The following BRD4 variants were observed in gnomAD, a reference collection of about 807,000 sequenced individuals.
BRD4 encodes the protein bromodomain containing 4, also known as bromodomain-containing protein 4.
In BRD4, 16 loss-of-function variants were observed where a neutral mutation model predicts 142.1. The observed-to-expected ratio is 0.11, with a 90% CI of 0.08 to 0.17. The LOEUF (loss-of-function observed/expected upper bound fraction) is 0.17. Ranked by LOEUF, BRD4 falls within the 10% of genes least tolerant of loss-of-function variation. The probability of loss-of-function intolerance (pLI) is 1.00; values close to 1 mark genes in which losing one functional copy is unlikely to be tolerated. For synonymous variants in BRD4, 833 were observed against 707.5 expected, an observed-to-expected ratio of 1.18 and a Z score of -2.82; for missense variants, 1,424 against 1,810.9, an observed-to-expected ratio of 0.79 and a Z score of 3.88.
At chr19:15,262,361 G>A (rs2047480587) in intron 7 of BRD4, among the ~76,000 whole-genome samples, 2 of 152,074 alleles carry the variant, frequency 1.3e-5, no homozygotes, top group African/African-American at 4.8e-5. Flanking sequence ...TGGCCTTGGG[G>A]AGAAGATGCT....
intron 1 of BRD4, among the ~76,000 whole-genome samples, chr19:15,283,386 A>C (rs1475815941): frequency 6.6e-6 from 1 of 152,246 alleles, no homozygotes; most frequent in African/African-American, 2.4e-5. Context: ...CATTGCAAAC[A>C]AAAGCATAAA....
At position 15,238,909 on chromosome 19, in the gene BRD4, T is replaced by C. The variant is rs1310378903; in HGVS notation, c.3854A>G (p.Gln1285Arg). The change falls in exon 19 of 20, where the codon CAG becomes CGG. Residue 1285 changes from glutamine (Q) to arginine (R), a missense_variant. This residue lies in a region of BRD4 where 109 missense variants were observed against 117.9 expected (regional missense o/e 0.92). Transcript: ENST00000679869. The surrounding 1 kb of genome is among the most constrained non-coding windows in gnomAD (Gnocchi z 7.2). Reference protein sequence around the residue: ...AHEEARRRQEQQQQQRQEQQQ... With the variant: ...AHEEARRRQERQQQQRQEQQQ... ...TTGCTCCTGGCGCTGCTGCTGCTGC[T>C]GCTCCTGGCGCCGACGTGCCTCCTC... The C allele has an allele frequency of 3.1e-6, 5 of 1,596,466 alleles. No homozygotes were observed. The highest frequency in any genetic ancestry group is 3.4e-4 in the Middle Eastern group (2 of 5,900).
At chr19:15,272,316 A>G (rs1219171359) in intron 2 of BRD4, among the ~76,000 whole-genome samples, 1 of 151,910 alleles carries the variant, frequency 6.6e-6, no homozygotes, top group African/African-American at 2.4e-5. Context: ...ATGTACTTGC[A>G]CTCCCTGCGA....
At chr19:15,257,195 G>C (rs1176056384) in intron 7 of BRD4, 22 bp from the exon 8 acceptor site, 1 of 1,580,530 alleles carries the variant, frequency 6.3e-7, no homozygotes, top group Admixed American at 1.7e-5. Context: ...AAGACATGCT[G>C]TGACGGCTGC....
rs778524619 is a variant in BRD4, at chr19:15,332,501, AGCCGCC to A, written c.-252_-247del. ...TGCGGGAGACCAGAACAAACAGCCC[AGCCGCC>A]GCCGCCGCCGCCGCCGCCGCCGCCA... On this transcript the variant is annotated 5_prime_UTR_variant, in exon 1 of 20. Coordinates refer to ENST00000679869, the MANE Select transcript of BRD4 (RefSeq NM_001379291.1). 137 of 156,992 alleles carry A rather than the reference AGCCGCC, an allele frequency of 8.7e-4. No homozygotes were observed. The highest frequency in any genetic ancestry group is 2.8e-3 in the Middle Eastern group (1 of 352). 9.7% of individuals were successfully genotyped at this position (156,992 alleles called of 1,614,324 possible).
intron 1 of BRD4, among the ~76,000 whole-genome samples, chr19:15,299,098 G>A (rs963392413): frequency 6.6e-6 from 1 of 152,164 alleles, no homozygotes; most frequent in Non-Finnish European, 1.5e-5. Context: ...GGGTGGCTAG[G>A]TATCCCCCAT....
In BRD4 at chr19:15,244,322, C is replaced by T. The variant is rs2145515694; in HGVS notation, c.2490G>A (p.Leu830=). The T allele has an allele frequency of 6.3e-7, 1 of 1,599,374 alleles. No individual in the cohort carries two copies. Among genetic ancestry groups the T allele is most frequent in the South Asian group, 1.1e-5 (1 of 88,412 alleles). Residue 830 remains leucine, a synonymous_variant, in exon 13 of 20, where the codon CTG becomes CTA. Transcript: ENST00000679869. ...GGTGAGGGGGCAGCTCAGGCTGCGGCAGGTGCAGGATGGGCTGGGTGAAGT... is the reference window on the plus strand; with the variant it reads ...GGTGAGGGGGCAGCTCAGGCTGCGGTAGGTGCAGGATGGGCTGGGTGAAGT... The part of the protein sequence containing the change: ...IGHFTQPILH[L]PQPELPPHLP...
chr19:15,256,395 C>G, intron 8 of BRD4, 132 bp from the exon 9 acceptor site: 1 of 1,149,840 alleles, frequency 8.7e-7, no homozygotes, highest in Non-Finnish European at 1.2e-6. Flanking sequence ...ATAGGGGAGG[C>G]AGGGGAAGGG....
chr19:15,319,937 A>G (rs1399548083), intron 1 of BRD4, among the ~76,000 whole-genome samples: 1 of 152,228 alleles, frequency 6.6e-6, no homozygotes, highest in African/African-American at 2.4e-5. Flanking sequence ...CTCTACCTCC[A>G]AAACAAAACA....
chr19:15,257,384 T>C, intron 7 of BRD4: 1 of 578,652 alleles, frequency 1.7e-6, no homozygotes, highest in Non-Finnish European at 3.1e-6. Flanking sequence ...CAAATCTCAC[T>C]TTGAAGAACA....
intron 7 of BRD4, among the ~76,000 whole-genome samples, chr19:15,262,061 CCT>C: frequency 6.6e-6 from 1 of 152,272 alleles, no homozygotes; most frequent in Non-Finnish European, 1.5e-5. Context: ...CAAGGCAGCC[CCT>C]GATCCACAGA....
rs1424285081 is a variant in BRD4 at position 15,265,542 on chromosome 19, T to C, written c.661A>G (p.Thr221Ala). Residue 221 changes from threonine to alanine, a missense_variant, in exon 5 of 20, where the codon ACG becomes GCG. Physicochemically the swap from Thr to Ala is moderately conservative, Grantham distance 58 (BLOSUM62 0). Transcript: ENST00000679869. The stretch of plus-strand genomic sequence containing the variant: ...GTGACGGCAGGGAAGGGGTGAGGCG[T>C]GGCCTGCACAGGAGGAGGATTCGGC... ...PQPNPPPVQATPHPFPAVTPD... is the reference protein window; with the variant it reads ...PQPNPPPVQAAPHPFPAVTPD... The C allele has an allele frequency of 1.2e-6, 2 of 1,613,688 alleles. No individual in the cohort carries two copies. The highest frequency in any genetic ancestry group is 1.7e-6 in the Non-Finnish European group (2 of 1,179,918).
intron 1 of BRD4, among the ~76,000 whole-genome samples, chr19:15,295,518 C>A (rs1425882371): frequency 1.3e-5 from 2 of 152,172 alleles, no homozygotes; most frequent in Non-Finnish European, 2.9e-5. Flanking sequence ...CACAGGGTAT[C>A]TACTTAATGC....
At position 15,248,937 on chromosome 19, in the gene BRD4, G is replaced by C. The variant is rs2047316170; in HGVS notation, c.2159-4175C>G. On this transcript the variant is annotated intron_variant, in intron 11 of 19. Coordinates refer to ENST00000679869, the MANE Select transcript of BRD4 (RefSeq NM_001379291.1). ...GGGGTCTGGCTTTGCACACAGAGTA[G>C]CACCACATGAATGCATGTGTTGGGG... The C allele has an allele frequency of 6.7e-6, 3 of 448,058 alleles. No individual in the cohort carries two copies. The Admixed American group carries it at 1.1e-4, about 16-fold the overall frequency. The allele number at this position is 448,058 out of a possible 1,614,324, so 27.8% of individuals were successfully genotyped here.
Position 15,244,383 on chromosome 19 carries a change from G to A in BRD4, c.2429C>T (p.Pro810Leu), listed in dbSNP as rs1296080457. Residue 810 changes from proline to leucine, a missense_variant, in exon 13 of 20, where the codon CCC becomes CTC. Around this residue, in one of 16 missense-constraint regions of BRD4, gnomAD observed 598 missense variants for 647.8 expected, o/e 0.92. Transcript: ENST00000679869. Reference sequence around the variant, plus strand: ...GTCAAAGACGCTGCCTGGGAGCTGGGGCTCCAGGACGGGCACCTGGGTGGC... The same window carrying A: ...GTCAAAGACGCTGCCTGGGAGCTGGAGCTCCAGGACGGGCACCTGGGTGGC... Reference protein sequence around the residue: ...FIATQVPVLEPQLPGSVFDPI... With the variant: ...FIATQVPVLELQLPGSVFDPI... 6.2e-7 allele frequency: 1 copy of A among 1,605,310 alleles called. No homozygotes were observed. Among genetic ancestry groups the A allele is most frequent in the Non-Finnish European group, 8.5e-7 (1 of 1,177,694 alleles).
chr19:15,268,543 T>C (rs1014042792), intron 3 of BRD4, among the ~76,000 whole-genome samples: 1 of 152,088 alleles, frequency 6.6e-6, no homozygotes, highest in African/African-American at 2.4e-5. Context: ...GCAGGCTCTT[T>C]CCTAACAATT....
intron 1 of BRD4, among the ~76,000 whole-genome samples, chr19:15,330,304 A>C (rs1050022166): frequency 1.3e-5 from 2 of 152,190 alleles, no homozygotes; most frequent in African/African-American, 4.8e-5. Context: ...TTTGTTTCAG[A>C]TTAGGCTTTG....
chr19:15,249,513 G>C (rs2047322018), intron 11 of BRD4, among the ~76,000 whole-genome samples: 1 of 152,194 alleles, frequency 6.6e-6, no homozygotes, highest in African/African-American at 2.4e-5. Context: ...CAGAATGCAT[G>C]GATGCCTTGG....
chr19:15,285,791 G>C (rs1305822371), intron 1 of BRD4, among the ~76,000 whole-genome samples: 1 of 152,052 alleles, frequency 6.6e-6, no homozygotes. Context: ...TATCAATCAG[G>C]AACTAAAGGG....
Sources: allele counts gnomAD v4.1 joint callset (sites outside exome capture counted in the v4.1 genomes callset), GRCh38; gene constraint gnomAD v4.1.1; regional missense constraint gnomAD v4.1.1; non-coding constraint Gnocchi (gnomAD v3.1); transcripts MANE v1.5; gene names NCBI Gene and HGNC (gene_info 2026-07-23, HGNC 2026-07-21).